The following ADGRB3 variants were observed in gnomAD, a reference collection of about 807,000 sequenced individuals.
ADGRB3 encodes the protein adhesion G protein-coupled receptor B3, also known as brain-specific angiogenesis inhibitor 3.
Under a neutral mutation model 193.4 loss-of-function variants are expected in ADGRB3, and 37 were observed. The ratio of observed to expected loss-of-function variants is 0.19; its 90% confidence interval spans 0.15 to 0.25. ADGRB3 has a LOEUF of 0.25. Among genes scored for constraint, ADGRB3 ranks in the 10% least tolerant of loss-of-function variants. ADGRB3 has a pLI of 1.00. For synonymous variants in ADGRB3, 690 were observed against 644.2 expected (o/e 1.07, Z -1.08); for missense variants, 1,637 against 1,852.9 (o/e 0.88, Z 2.14).
chr6:68,711,204 T>A lies in ADGRB3; in HGVS notation c.757+71772T>A, dbSNP rs145143659. 8.5e-5 allele frequency among the ~76,000 whole-genome samples: 13 copies of A among 152,242 alleles called. 1 individual carries two copies. The highest frequency in any genetic ancestry group is 8.5e-4 in the Admixed American group (13 of 15,276). On this transcript the variant is annotated intron_variant, in intron 3 of 31. Transcript: ENST00000370598. Reference sequence around the variant, plus strand: ...ATAAGCCAAGACCTTATTTCTTTTCTCCTACCAAGAGCGTGACCTGCTTGA... The same window carrying A: ...ATAAGCCAAGACCTTATTTCTTTTCACCTACCAAGAGCGTGACCTGCTTGA...
chr6:69,125,085 C>T (rs934513864), intron 17 of ADGRB3, among the ~76,000 whole-genome samples: 5 of 152,168 alleles, frequency 3.3e-5, no homozygotes, highest in African/African-American at 7.2e-5. Flanking sequence ...TGTTGACAAG[C>T]AGGCTTCCTC....
At chr6:68,834,919 T>C (rs185742001) in intron 3 of ADGRB3, among the ~76,000 whole-genome samples, 50 of 152,234 alleles carry the variant, frequency 3.3e-4, no homozygotes, top group Admixed American at 8.5e-4. Flanking sequence ...GTAAGTATTT[T>C]TTTTTTCCTC....
chr6:69,355,087 C>T (rs973712631), intron 27 of ADGRB3, among the ~76,000 whole-genome samples: 13 of 152,106 alleles, frequency 8.5e-5, no homozygotes, highest in African/African-American at 3.1e-4. Context: ...CAACTCCTTA[C>T]TAAAAACAAA....
rs191069190 is a variant in ADGRB3, at chr6:68,652,372, T to C, written c.757+12940T>C. 3.2e-3 allele frequency among the ~76,000 whole-genome samples: 494 copies of C among 152,276 alleles called. 3 individuals are homozygous for C. The highest frequency in any genetic ancestry group is 0.011 in the African/African-American group (471 of 41,564). On this transcript the variant is annotated intron_variant, in intron 3 of 31. Coordinates refer to ENST00000370598, the MANE Select transcript of ADGRB3 (RefSeq NM_001704.3). ...ACTTGTGAAATAACAGATCTGCTCATGACCGACCTCTTGCTCCTGGAACAT... is the reference window on the plus strand; with the variant it reads ...ACTTGTGAAATAACAGATCTGCTCACGACCGACCTCTTGCTCCTGGAACAT...
chr6:69,341,949 A>T (rs1299513463), intron 26 of ADGRB3, among the ~76,000 whole-genome samples: 2 of 152,168 alleles, frequency 1.3e-5, no homozygotes, highest in African/African-American at 4.8e-5. Context: ...AATAAGCTTG[A>T]TAGATAGTTT....
chr6:69,181,912 G>A (rs1325678621), intron 17 of ADGRB3, among the ~76,000 whole-genome samples: 1 of 151,986 alleles, frequency 6.6e-6, no homozygotes, highest in Non-Finnish European at 1.5e-5. Flanking sequence ...ATCTTAGTTA[G>A]CATTGTTTCC....
chr6:69,082,114 A>G (rs997688347), intron 17 of ADGRB3, among the ~76,000 whole-genome samples: 8 of 152,062 alleles, frequency 5.3e-5, no homozygotes, highest in African/African-American at 1.9e-4. Flanking sequence ...CTACAACTGC[A>G]AAGTTGAGTC....
At chr6:69,185,988 T>TAA (rs1765058452) in intron 17 of ADGRB3, among the ~76,000 whole-genome samples, 1 of 152,010 alleles carries the variant, frequency 6.6e-6, no homozygotes, top group African/African-American at 2.4e-5. Flanking sequence ...ATCAGAGCTT[T>TAA]AGATTTGAAA....
intron 3 of ADGRB3, among the ~76,000 whole-genome samples, chr6:68,854,096 C>T (rs895081224): frequency 1.3e-5 from 2 of 152,114 alleles, no homozygotes; most frequent in East Asian, 1.9e-4. Context: ...GATTTTGTGT[C>T]GTTGTTTTTG....
At chr6:69,018,280 G>A in intron 12 of ADGRB3, 111 bp from the exon 13 acceptor site, 1 of 591,468 alleles carries the variant, frequency 1.7e-6, no homozygotes, top group African/African-American at 1.9e-5. Context: ...AGATTTTTTT[G>A]AAGTGAAACA....
At chr6:68,689,017 C>T (rs1182503870) in intron 3 of ADGRB3, among the ~76,000 whole-genome samples, 29 of 152,016 alleles carry the variant, frequency 1.9e-4, no homozygotes, top group Non-Finnish European at 1.5e-5. Flanking sequence ...CAAGGGTTTA[C>T]CTGAGGAAAC....
intron 3 of ADGRB3, among the ~76,000 whole-genome samples, chr6:68,905,574 G>T (rs1357008609): frequency 1.3e-5 from 2 of 152,010 alleles, no homozygotes; most frequent in Non-Finnish European, 2.9e-5. Flanking sequence ...CTGCTTGGTT[G>T]GTCAAGCAGT....
intron 3 of ADGRB3, among the ~76,000 whole-genome samples, chr6:68,847,560 G>A (rs1768304987): frequency 1.3e-5 from 2 of 152,106 alleles, no homozygotes; most frequent in African/African-American, 4.8e-5. Flanking sequence ...TTTATCAGGG[G>A]TTTCCACTTT....
In ADGRB3 at chr6:69,150,031, C is replaced by T. The variant is rs559986214; in HGVS notation, c.2480+73993C>T. The stretch of plus-strand genomic sequence containing the variant: ...ACAAGCACCTCTGTGGCCACAACCA[C>T]GGGGACTTCTCTGGGTCAGACCTGA... On this transcript the variant is annotated intron_variant, in intron 17 of 31. Transcript: ENST00000370598. Among the ~76,000 whole-genome samples the T allele has an allele frequency of 9.8e-4, 148 of 151,502 alleles. 2 individuals carry two copies. Among genetic ancestry groups the T allele is most frequent in the African/African-American group, 3.3e-3 (138 of 41,236 alleles).
intron 17 of ADGRB3, among the ~76,000 whole-genome samples, chr6:69,162,793 T>C (rs1201152288): frequency 6.6e-6 from 1 of 152,116 alleles, no homozygotes; most frequent in African/African-American, 2.4e-5. Context: ...ATGGAATCAT[T>C]ATTTTTTGCA....
chr6:68,824,419 T>A (rs1451133329), intron 3 of ADGRB3, among the ~76,000 whole-genome samples: 4 of 149,942 alleles, frequency 2.7e-5, no homozygotes, highest in Non-Finnish European at 5.9e-5. Flanking sequence ...ATAATGTATT[T>A]AGATATATTT....
At chr6:68,779,992 C>A (rs1041780282) in intron 3 of ADGRB3, among the ~76,000 whole-genome samples, 1 of 152,014 alleles carries the variant, frequency 6.6e-6, no homozygotes, top group Non-Finnish European at 1.5e-5. Flanking sequence ...TGAAGAATTC[C>A]ATTTAATCAG....
chr6:68,665,023 C>T (rs774231009), intron 3 of ADGRB3, among the ~76,000 whole-genome samples: 2 of 151,744 alleles, frequency 1.3e-5, no homozygotes, highest in African/African-American at 2.4e-5. Context: ...CTTTAAGTCA[C>T]GAGATCTCTC....
intron 11 of ADGRB3, 138 bp from the exon 12 acceptor site, chr6:69,013,900 C>A: frequency 2.1e-6 from 1 of 474,626 alleles, no homozygotes; most frequent in Non-Finnish European, 3.8e-6. Context: ...CAGTGATCTT[C>A]TAGAATACTA....
Sources: gnomAD v4.1 joint callset for allele counts (sites outside exome capture counted in the v4.1 genomes callset) on GRCh38, gnomAD v4.1.1 for gene constraint, MANE v1.5 for transcripts, NCBI Gene and HGNC (gene_info 2026-07-23, HGNC 2026-07-21) for gene names.